Variants in DENND5B observed in about 807,000 individuals in gnomAD.
DENND5B encodes the protein DENN domain-containing protein 5B.
Under a neutral mutation model 140.6 loss-of-function variants are expected in DENND5B, and 34 were observed. That is an observed-to-expected ratio of 0.24 (90% CI 0.18 to 0.32). The LOEUF (loss-of-function observed/expected upper bound fraction) is 0.32, where lower values mean the gene tolerates loss of function less well. Among genes scored for constraint, DENND5B ranks in the 10% least tolerant of loss-of-function variants. The pLI, the probability that DENND5B is intolerant of heterozygous loss-of-function variation, is 1.00. For synonymous variants in DENND5B, 551 were observed against 562.1 expected (o/e 0.98, Z 0.28); for missense variants, 1,142 against 1,560.2 (o/e 0.73, Z 4.52).
chr12:31,402,356 CAT>C, intron 15 of DENND5B, 140 bp downstream of exon 15: 3 of 1,028,214 alleles, frequency 2.9e-6, no homozygotes, highest in Non-Finnish European at 2.8e-6. Context: ...CAACTTTAGA[CAT>C]ATAATCACAA....
At chr12:31,453,057 T>C (rs1944613885) in intron 4 of DENND5B, among the ~76,000 whole-genome samples, 1 of 152,176 alleles carries the variant, frequency 6.6e-6, no homozygotes. Flanking sequence ...CCAGCAGCTG[T>C]AGTATCTCCC....
intron 1 of DENND5B, among the ~76,000 whole-genome samples, chr12:31,574,295 A>AATTATTATTATTATT (rs1555175991): frequency 6.9e-5 from 10 of 144,574 alleles, no homozygotes; most frequent in African/African-American, 2.5e-4. Context: ...TAATAATAAT[A>AATTATTATTATTATT]ATTTAAAAGG....
intron 7 of DENND5B, among the ~76,000 whole-genome samples, chr12:31,442,247 C>T (rs1269826154): frequency 6.6e-6 from 1 of 152,132 alleles, no homozygotes; most frequent in East Asian, 1.9e-4. Flanking sequence ...CAGGCTGTTG[C>T]TAAACTCTCT....
At chr12:31,492,396 G>A (rs1469040992) in intron 2 of DENND5B, among the ~76,000 whole-genome samples, 1 of 152,120 alleles carries the variant, frequency 6.6e-6, no homozygotes, top group East Asian at 1.9e-4. Flanking sequence ...AATGACTGTG[G>A]ATTCATATAG....
At chr12:31,457,882 T>A (rs1004954114) in intron 4 of DENND5B, among the ~76,000 whole-genome samples, 2 of 151,726 alleles carry the variant, frequency 1.3e-5, no homozygotes, top group African/African-American at 4.8e-5. Context: ...CCCGGCTATT[T>A]TTTTTGTATT....
intron 1 of DENND5B, among the ~76,000 whole-genome samples, chr12:31,554,460 T>C (rs1190084285): frequency 6.6e-6 from 1 of 152,146 alleles, no homozygotes; most frequent in Non-Finnish European, 1.5e-5. Flanking sequence ...CTTCCCTTTG[T>C]GGGTAACCCG....
At chr12:31,590,155 C>A (rs1306591413) in intron 1 of DENND5B, 1 of 152,200 alleles carries the variant, frequency 6.6e-6, no homozygotes, top group African/African-American at 2.4e-5. Flanking sequence ...GCAGGCGGCG[C>A]AGAGGGCAGA....
intron 1 of DENND5B, among the ~76,000 whole-genome samples, chr12:31,555,204 G>T (rs2139281548): frequency 6.6e-6 from 1 of 152,288 alleles, no homozygotes; most frequent in African/African-American, 2.4e-5. Context: ...TTTGGACTTT[G>T]ATGATGGTGA....
At chr12:31,437,149 T>C (rs1431539804) in intron 7 of DENND5B, among the ~76,000 whole-genome samples, 21 of 14,300 alleles carry the variant, frequency 1.5e-3, no homozygotes, top group Middle Eastern at 0.05. Context: ...CCCCCCCCTT[T>C]TTTTTTTTTT....
intron 1 of DENND5B, among the ~76,000 whole-genome samples, chr12:31,530,948 A>G (rs563390189): frequency 1.4e-4 from 21 of 152,344 alleles, no homozygotes; most frequent in African/African-American, 5.1e-4. Flanking sequence ...CTTTTAAATT[A>G]TAATAAGAAT....
At chr12:31,403,051 T>C (rs570945945) in intron 14 of DENND5B, among the ~76,000 whole-genome samples, 4 of 152,326 alleles carry the variant, frequency 2.6e-5, no homozygotes, top group South Asian at 2.1e-4. Flanking sequence ...ATTACTGATA[T>C]GGTTTTATAT....
At chr12:31,450,689 C>T (rs1484877636) in intron 5 of DENND5B, among the ~76,000 whole-genome samples, 1 of 152,060 alleles carries the variant, frequency 6.6e-6, no homozygotes, top group Non-Finnish European at 1.5e-5. Flanking sequence ...TCATTATTTC[C>T]AAAAATTCTC....
intron 3 of DENND5B, among the ~76,000 whole-genome samples, chr12:31,478,218 C>T (rs1046194169): frequency 3.3e-5 from 5 of 152,044 alleles, no homozygotes; most frequent in Non-Finnish European, 7.4e-5. Flanking sequence ...AAAATACAAC[C>T]TTGTGAACGG....
chr12:31,565,807 C>A (rs1225430832), intron 1 of DENND5B, among the ~76,000 whole-genome samples: 2 of 152,044 alleles, frequency 1.3e-5, no homozygotes, highest in Non-Finnish European at 2.9e-5. Context: ...AACATGATTG[C>A]CAGCTGCAAA....
intron 16 of DENND5B, 126 bp downstream of exon 16, chr12:31,399,528 C>G: frequency 5.9e-6 from 4 of 676,240 alleles, no homozygotes; most frequent in Non-Finnish European, 9.9e-6. Flanking sequence ...ATCCACCCGC[C>G]TTGGCCTCTC....
intron 1 of DENND5B, chr12:31,590,500 C>T (rs960455555): frequency 1.4e-5 from 8 of 586,266 alleles, no homozygotes; most frequent in African/African-American, 9.9e-5. Flanking sequence ...AGGCGAAAGC[C>T]CCGGTGGGCG....
At chr12:31,431,705 C>T (rs900379945) in intron 8 of DENND5B, among the ~76,000 whole-genome samples, 2 of 152,116 alleles carry the variant, frequency 1.3e-5, no homozygotes, top group African/African-American at 2.4e-5. Flanking sequence ...TTCTGGAAAA[C>T]GCTTAAATAA....
At chr12:31,473,733 T>C (rs531240506) in intron 3 of DENND5B, among the ~76,000 whole-genome samples, 13 of 152,166 alleles carry the variant, frequency 8.5e-5, no homozygotes, top group Admixed American at 4.6e-4. Flanking sequence ...AAACTTGAAA[T>C]ATCCACGGTA....
intron 20 of DENND5B, 142 bp downstream of exon 20, chr12:31,389,182 G>A: frequency 1.3e-6 from 1 of 770,844 alleles, no homozygotes; most frequent in Non-Finnish European, 1.9e-6. Context: ...AGGCGATGGA[G>A]TGAGACTCTG....
Sources: gnomAD v4.1 joint callset for allele counts (sites outside exome capture counted in the v4.1 genomes callset) on GRCh38, gnomAD v4.1.1 for gene constraint, MANE v1.5 for transcripts, NCBI Gene and HGNC (gene_info 2026-07-23, HGNC 2026-07-21) for gene names.